The following CREB5 variants were observed in gnomAD, a reference collection of about 807,000 sequenced individuals.
CREB5 encodes the protein cAMP responsive element binding protein 5, also known as cyclic AMP-responsive element-binding protein 5.
A neutral mutation model predicts 57.1 loss-of-function variants in CREB5; 19 were observed. The ratio of observed to expected loss-of-function variants is 0.33; its 90% CI spans 0.23 to 0.49. The LOEUF is 0.49. Ranked by LOEUF, CREB5 falls within the 20% of genes least tolerant of loss-of-function variation. The pLI is 0.99. For synonymous variants in CREB5, 238 were observed against 238.3 expected (o/e 1.00, Z 0.01); for missense variants, 579 against 671.6 (o/e 0.86, Z 1.52).
At chr7:28,765,700 G>T (rs529227115) in intron 7 of CREB5, among the ~76,000 whole-genome samples, 93 of 152,296 alleles carry the variant, frequency 6.1e-4, no homozygotes, top group Non-Finnish European at 1.2e-3. Context: ...TTTGCCTGTT[G>T]GTATTCACAG....
rs1210698880 is a variant in CREB5, at chr7:28,560,949, TGC to T, written c.292-9414_292-9413del. On this transcript the variant is annotated intron_variant, in intron 4 of 10. Coordinates refer to ENST00000357727, the MANE Select transcript of CREB5 (RefSeq NM_182898.4). ...GCGTGCGTGTGTGCGTGCGTGTGTGTGCGTGTGTGTGCGTGTGTGTGTGCGTG... is the reference window on the plus strand; with the variant it reads ...GCGTGCGTGTGTGCGTGCGTGTGTGTGTGTGTGTGCGTGTGTGTGTGCGTG... Among the ~76,000 whole-genome samples, 19 of 34,756 alleles carry T rather than the reference TGC, an allele frequency of 5.5e-4. 1 individual carries two copies. Among genetic ancestry groups the T allele is most frequent in the South Asian group, 1.7e-3 (1 of 586 alleles). 22.8% of individuals were successfully genotyped at this position (34,756 alleles called of 152,430 possible).
chr7:28,791,730 T>C (rs999512511), intron 7 of CREB5, among the ~76,000 whole-genome samples: 6 of 152,190 alleles, frequency 3.9e-5, no homozygotes, highest in Non-Finnish European at 5.9e-5. Flanking sequence ...GAAAATGATA[T>C]CTTAAGCTTG....
At chr7:28,782,508 A>T (rs1807048252) in intron 7 of CREB5, among the ~76,000 whole-genome samples, 1 of 152,254 alleles carries the variant, frequency 6.6e-6, no homozygotes, top group Non-Finnish European at 1.5e-5. Flanking sequence ...AATGAAAGAA[A>T]TACTAGCACA....
intron 5 of CREB5, among the ~76,000 whole-genome samples, chr7:28,701,136 T>A (rs1278016177): frequency 6.6e-6 from 1 of 152,098 alleles, no homozygotes; most frequent in Non-Finnish European, 1.5e-5. Flanking sequence ...GGGATGCAAA[T>A]GTGCAGCTCC....
intron 5 of CREB5, among the ~76,000 whole-genome samples, chr7:28,677,284 G>A (rs921743873): frequency 2.6e-5 from 4 of 152,078 alleles, no homozygotes; most frequent in African/African-American, 7.2e-5. Flanking sequence ...CAAAATCTCT[G>A]GGGAGTTTTG....
intron 4 of CREB5, among the ~76,000 whole-genome samples, chr7:28,518,177 C>T (rs1793056051): frequency 6.6e-6 from 1 of 152,122 alleles, no homozygotes; most frequent in Non-Finnish European, 1.5e-5. Flanking sequence ...CAGAATACAC[C>T]ATCTGTTCTA....
chr7:28,672,105 A>G (rs192861030), intron 5 of CREB5, among the ~76,000 whole-genome samples: 276 of 152,184 alleles, frequency 1.8e-3, no homozygotes, highest in Non-Finnish European at 1.7e-3. Flanking sequence ...ACAATTAAAT[A>G]CAAAAATCAC....
At chr7:28,435,671 C>T (rs1000364890) in intron 1 of CREB5, 4 of 985,108 alleles carry the variant, frequency 4.1e-6, no homozygotes, top group African/African-American at 1.7e-5. Flanking sequence ...GAATGAGGAG[C>T]TCATATTTAT....
At chr7:28,626,855 TGGGGAAA>T (rs1583441913) in intron 5 of CREB5, among the ~76,000 whole-genome samples, 1 of 152,134 alleles carries the variant, frequency 6.6e-6, no homozygotes, top group East Asian at 1.9e-4. Flanking sequence ...TCATCAGATT[TGGGGAAA>T]GGGGCCCCAG....
At position 28,594,433 on chromosome 7, in the gene CREB5, G is replaced by A. The variant is rs1447528999; in HGVS notation, c.464+23896G>A. Among the ~76,000 whole-genome samples the A allele has an allele frequency of 2.6e-5, 4 of 152,020 alleles. No homozygotes were observed. In the South Asian group the frequency reaches 6.2e-4, roughly 24 times the overall value. On this transcript the variant is annotated intron_variant, in intron 5 of 10. Coordinates refer to ENST00000357727, the MANE Select transcript of CREB5 (RefSeq NM_182898.4). ...TACAGCCCACTTAACTCTCTTTAAG[G>A]CCTGGATAAATATAGGCTGCCTAGT...
chr7:28,690,727 T>C lies in CREB5; in HGVS notation c.465-28026T>C, dbSNP rs556153772. Among the ~76,000 whole-genome samples, 18 of 152,190 alleles carry C rather than the reference T, an allele frequency of 1.2e-4. No individual in the cohort carries two copies. In the South Asian group the frequency reaches 1.5e-3, roughly 12 times the overall value. On this transcript the variant is annotated intron_variant, in intron 5 of 10. Transcript: ENST00000357727. ...CTTGGTGGTTTCTGTTGTTGAGGATTCTGTTGGATAGGATTCTCCTCGCAG... is the reference window on the plus strand; with the variant it reads ...CTTGGTGGTTTCTGTTGTTGAGGATCCTGTTGGATAGGATTCTCCTCGCAG...
In CREB5 at chr7:28,380,779, C is replaced by G. The variant is rs114621929; in HGVS notation, c.-25+81338C>G. Reference sequence around the variant, plus strand: ...TGGCAGTGTGAACTTCAATGGCCCACATAATTTTTTTGACCTAATGTGTAA... The same window carrying G: ...TGGCAGTGTGAACTTCAATGGCCCAGATAATTTTTTTGACCTAATGTGTAA... On this transcript the variant is annotated intron_variant, in intron 1 of 9. Coordinates refer to the CREB5 transcript ENST00000396299. 1.2e-3 allele frequency among the ~76,000 whole-genome samples: 179 copies of G among 152,212 alleles called. 3 individuals carry two copies. Among genetic ancestry groups the G allele is most frequent in the African/African-American group, 4.2e-3 (176 of 41,546 alleles).
intron 5 of CREB5, among the ~76,000 whole-genome samples, chr7:28,611,923 G>A (rs1043907911): frequency 6.6e-6 from 1 of 151,988 alleles, no homozygotes; most frequent in African/African-American, 2.4e-5. Flanking sequence ...CCTCCCTAAA[G>A]CAACAAAGAA....
At chr7:28,551,916 T>A (rs1197008295) in intron 4 of CREB5, among the ~76,000 whole-genome samples, 1 of 148,306 alleles carries the variant, frequency 6.7e-6, no homozygotes, top group African/African-American at 2.6e-5. Flanking sequence ...CTTTTCTTTC[T>A]CTTTTTTCTT....
At chr7:28,313,398 A>C (rs1785316217) in intron 1 of CREB5, among the ~76,000 whole-genome samples, 1 of 152,182 alleles carries the variant, frequency 6.6e-6, no homozygotes. Context: ...AGTAGAGTTA[A>C]ATTTTATTCA....
At chr7:28,318,762 A>G (rs1208459648) in intron 1 of CREB5, among the ~76,000 whole-genome samples, 2 of 152,226 alleles carry the variant, frequency 1.3e-5, no homozygotes, top group Non-Finnish European at 2.9e-5. Flanking sequence ...AGAGGCACAG[A>G]ATATCATCGT....
intron 4 of CREB5, among the ~76,000 whole-genome samples, chr7:28,560,869 C>CGCGCGCGTGCGTGCGT (rs1369015394): frequency 3.5e-5 from 1 of 28,604 alleles, no homozygotes; most frequent in Non-Finnish European, 6.1e-5. Flanking sequence ...CGTGTGCCTG[C>CGCGCGCGTGCGTGCGT]GTGCGCGTGC....
intron 1 of CREB5, among the ~76,000 whole-genome samples, chr7:28,447,612 T>TG (rs1364354667): frequency 1.5e-4 from 23 of 152,112 alleles, no homozygotes; most frequent in African/African-American, 5.6e-4. Context: ...CACATGCACC[T>TG]GCTAGGGGAG....
At chr7:28,545,478 A>G (rs184614936) in intron 4 of CREB5, among the ~76,000 whole-genome samples, 18 of 152,294 alleles carry the variant, frequency 1.2e-4, no homozygotes, top group African/African-American at 4.3e-4. Context: ...CTATACAGAG[A>G]AAGATTCAGA....
Sources: gnomAD v4.1 joint callset for allele counts (sites outside exome capture counted in the v4.1 genomes callset) on GRCh38, gnomAD v4.1.1 for gene constraint, MANE v1.5 for transcripts, NCBI Gene and HGNC (gene_info 2026-07-23, HGNC 2026-07-21) for gene names.